UNC5D: variants seen among roughly 807,000 people sequenced by gnomAD.
UNC5D encodes the protein unc-5 netrin receptor D, also known as netrin receptor UNC5D.
In UNC5D, 39 loss-of-function variants were observed where a neutral mutation model predicts 105.4. The ratio of observed to expected loss-of-function variants is 0.37; its 90% CI spans 0.29 to 0.48. The LOEUF is 0.48. Ranked by LOEUF, UNC5D falls within the 20% of genes least tolerant of loss-of-function variation. The probability of loss-of-function intolerance (pLI) is 0.98; values close to 1 mark genes in which losing one functional copy is unlikely to be tolerated. For missense variants in UNC5D, 991 were observed against 1,202.4 expected (o/e 0.82, Z 2.60); for synonymous variants, 452 against 450.4 (o/e 1.00, Z -0.04).
chr8:35,456,167 T>C (rs1808480087), intron 1 of UNC5D, among the ~76,000 whole-genome samples: 1 of 152,200 alleles, frequency 6.6e-6, no homozygotes, highest in Non-Finnish European at 1.5e-5. Flanking sequence ...ATTAGAACAT[T>C]ACCTGGCATT....
chr8:35,681,281 T>C (rs1051391231), intron 4 of UNC5D, among the ~76,000 whole-genome samples: 2 of 152,188 alleles, frequency 1.3e-5, no homozygotes, highest in African/African-American at 4.8e-5. Flanking sequence ...ATTATAGTCA[T>C]TGTCTTGAGA....
intron 1 of UNC5D, among the ~76,000 whole-genome samples, chr8:35,418,309 C>T (rs1170757601): frequency 6.6e-6 from 1 of 152,152 alleles, no homozygotes; most frequent in Non-Finnish European, 1.5e-5. Context: ...AGAGACTCAA[C>T]CTGTTCCCTT....
intron 1 of UNC5D, among the ~76,000 whole-genome samples, chr8:35,352,695 C>T (rs189003724): frequency 6.6e-6 from 1 of 152,226 alleles, no homozygotes; most frequent in Admixed American, 6.5e-5. Flanking sequence ...TCATTGCAAC[C>T]TCTGCCTCCT....
intron 16 of UNC5D, among the ~76,000 whole-genome samples, chr8:35,778,058 G>C (rs1802336828): frequency 6.6e-6 from 1 of 152,172 alleles, no homozygotes; most frequent in Admixed American, 6.5e-5. Context: ...ATGGGTGTGA[G>C]GCTGCCATTT....
chr8:35,705,837 A>G, intron 7 of UNC5D, 92 bp from the exon 8 acceptor site: 4 of 706,642 alleles, frequency 5.7e-6, no homozygotes, highest in Non-Finnish European at 8.8e-6. Flanking sequence ...TGTTTTATTT[A>G]TAGAGGTAGA....
Position 35,791,962 on chromosome 8 carries a change from C to T in UNC5D, c.*1399C>T, listed in dbSNP as rs1803064610. On this transcript the variant is annotated 3_prime_UTR_variant, in exon 17 of 17. Coordinates refer to ENST00000404895, the MANE Select transcript of UNC5D (RefSeq NM_080872.4). The stretch of plus-strand genomic sequence containing the variant: ...ATTTTTGACAAGATGTCCTGGTAGA[C>T]TAAAGGTGAACAGATTTGCTCTTGC... 6.6e-6 allele frequency: 1 copy of T among 152,030 alleles called. No individual in the cohort carries two copies. The highest frequency in any genetic ancestry group is 2.4e-5 in the African/African-American group (1 of 41,380). The allele number at this position is 152,030 out of a possible 1,614,324, so 9.4% of individuals were successfully genotyped here.
At chr8:35,395,545 C>G (rs1021407610) in intron 1 of UNC5D, among the ~76,000 whole-genome samples, 1 of 152,096 alleles carries the variant, frequency 6.6e-6, no homozygotes, top group African/African-American at 2.4e-5. Flanking sequence ...AAGAATTTCT[C>G]TGAACTTACT....
At chr8:35,248,146 T>C (rs375649939) in intron 1 of UNC5D, among the ~76,000 whole-genome samples, 2 of 37,672 alleles carry the variant, frequency 5.3e-5, no homozygotes, top group African/African-American at 2.9e-4. Flanking sequence ...ATATAAAATA[T>C]ATATAATATA....
chr8:35,276,574 A>G (rs1443265450), intron 1 of UNC5D, among the ~76,000 whole-genome samples: 1 of 152,180 alleles, frequency 6.6e-6, no homozygotes, highest in African/African-American at 2.4e-5. Flanking sequence ...TGATTTGTCC[A>G]TCTCTTTTCA....
chr8:35,488,069 T>C (rs1468430877), intron 1 of UNC5D, among the ~76,000 whole-genome samples: 1 of 152,130 alleles, frequency 6.6e-6, no homozygotes, highest in Non-Finnish European at 1.5e-5. Context: ...TAAGCAAAAA[T>C]CAGAACATGA....
At chr8:35,365,376 A>G (rs1802054083) in intron 1 of UNC5D, among the ~76,000 whole-genome samples, 1 of 152,078 alleles carries the variant, frequency 6.6e-6, no homozygotes, top group Non-Finnish European at 1.5e-5. Context: ...TGTAGCTGTC[A>G]CAGAGGATGA....
At chr8:35,442,264 T>A (rs1014587322) in intron 1 of UNC5D, among the ~76,000 whole-genome samples, 2 of 151,860 alleles carry the variant, frequency 1.3e-5, no homozygotes, top group Non-Finnish European at 2.9e-5. Flanking sequence ...AAGTATATTT[T>A]GTACCAAATC....
At chr8:35,270,493 G>A (rs777499162) in intron 1 of UNC5D, among the ~76,000 whole-genome samples, 2 of 152,116 alleles carry the variant, frequency 1.3e-5, no homozygotes, top group Non-Finnish European at 2.9e-5. Flanking sequence ...TTTAACCCTA[G>A]TTACCCAGCT....
intron 1 of UNC5D, among the ~76,000 whole-genome samples, chr8:35,547,844 G>A (rs1815813894): frequency 6.6e-6 from 1 of 152,058 alleles, no homozygotes. Context: ...TATATAAAGG[G>A]GAGTTTCTTA....
At chr8:35,380,717 G>T (rs1802993043) in intron 1 of UNC5D, among the ~76,000 whole-genome samples, 1 of 152,124 alleles carries the variant, frequency 6.6e-6, no homozygotes, top group South Asian at 2.1e-4. Context: ...GGTGATTCTG[G>T]ATGTTACACA....
intron 12 of UNC5D, among the ~76,000 whole-genome samples, chr8:35,749,643 A>T (rs917621620): frequency 6.6e-6 from 1 of 152,148 alleles, no homozygotes. Context: ...TGCAACCATG[A>T]GCAGATTTCC....
chr8:35,471,111 C>T (rs1173934732), intron 1 of UNC5D, among the ~76,000 whole-genome samples: 1 of 152,048 alleles, frequency 6.6e-6, no homozygotes, highest in Non-Finnish European at 1.5e-5. Context: ...CTGTTCAACC[C>T]CTCCCCTCAA....
chr8:35,410,299 A>G (rs1805083765), intron 1 of UNC5D, among the ~76,000 whole-genome samples: 1 of 151,980 alleles, frequency 6.6e-6, no homozygotes, highest in African/African-American at 2.4e-5. Context: ...AGGAATGTAC[A>G]CATTACCTTA....
intron 1 of UNC5D, among the ~76,000 whole-genome samples, chr8:35,484,992 A>C (rs182176342): frequency 5.1e-4 from 77 of 152,356 alleles, no homozygotes; most frequent in African/African-American, 1.8e-3. Flanking sequence ...TTAAGTAAAT[A>C]GCTTTCTTTT....
Sources: allele counts gnomAD v4.1 joint callset (sites outside exome capture counted in the v4.1 genomes callset), GRCh38; gene constraint gnomAD v4.1.1; transcripts MANE v1.5; gene names NCBI Gene and HGNC (gene_info 2026-07-23, HGNC 2026-07-21).